The following STXBP4 variants were observed in gnomAD, a reference collection of about 807,000 sequenced individuals.
STXBP4 encodes the protein syntaxin binding protein 4.
STXBP4 carries 55 observed loss-of-function variants against 76.1 expected under a neutral mutation model. The observed-to-expected ratio is 0.72, with a 90% confidence interval of 0.58 to 0.91. The LOEUF (loss-of-function observed/expected upper bound fraction) is 0.91. Ranked by LOEUF, STXBP4 falls within the 40% of genes least tolerant of loss-of-function variation. STXBP4 has a pLI of 0.00. For missense variants in STXBP4, 618 were observed against 636.9 expected (o/e 0.97, Z 0.32); for synonymous variants, 201 against 220.2 (o/e 0.91, Z 0.77).
intron 1 of STXBP4, among the ~76,000 whole-genome samples, chr17:54,976,463 C>G (rs931778714): frequency 1.3e-5 from 2 of 152,188 alleles, no homozygotes; most frequent in African/African-American, 4.8e-5. Flanking sequence ...TCAGGCCTCC[C>G]AGATACTATC....
intron 3 of STXBP4, among the ~76,000 whole-genome samples, chr17:54,989,622 TATTAA>T (rs971701469): frequency 3.3e-5 from 5 of 152,220 alleles, no homozygotes; most frequent in African/African-American, 1.2e-4. Flanking sequence ...ATTTTATAAA[TATTAA>T]ATTAAATGTC....
chr17:54,983,402 C>T (rs769726692), intron 1 of STXBP4, among the ~76,000 whole-genome samples: 1 of 152,118 alleles, frequency 6.6e-6, no homozygotes, highest in Non-Finnish European at 1.5e-5. Context: ...GACCTGGGGA[C>T]CTGTGTCCAG....
intron 13 of STXBP4, among the ~76,000 whole-genome samples, chr17:55,077,300 G>C (rs1006245103): frequency 6.6e-6 from 1 of 152,122 alleles, no homozygotes; most frequent in South Asian, 2.1e-4. Context: ...GTTTGCTTCT[G>C]CTAGCCTGGG....
chr17:54,997,555 A>AATATATATATTATATAATATAAAT (rs1396572400), intron 4 of STXBP4, among the ~76,000 whole-genome samples: 1 of 145,802 alleles, frequency 6.9e-6, no homozygotes, highest in South Asian at 2.1e-4. Flanking sequence ...ATATAATATA[A>AATATATATATTATATAATATAAAT]ATATATATAT....
At position 54,968,794 on chromosome 17, in the gene STXBP4, A is replaced by T; in HGVS notation, c.-178A>T. The T allele has an allele frequency of 3.4e-6, 3 of 875,098 alleles. No individual in the cohort carries two copies. In the South Asian group the frequency reaches 5.2e-5, roughly 15 times the overall value. 54.2% of individuals were successfully genotyped at this position (875,098 alleles called of 1,614,324 possible). ...GGCAGCGCTTGCAGTCGGGCTACGG[A>T]GGCCGGGTTGCCAGATTACGGGTAA... On this transcript the variant is annotated 5_prime_UTR_variant, in exon 1 of 18. Transcript: ENST00000376352.
At chr17:55,210,841 T>G in the STXBP4 span, among the ~76,000 whole-genome samples, 2 of 152,248 alleles carry the variant, frequency 1.3e-5, no homozygotes, top group South Asian at 2.1e-4. Flanking sequence ...CACTGACTAT[T>G]ATTTGAAAAC....
intron 1 of STXBP4, among the ~76,000 whole-genome samples, chr17:54,981,760 A>T (rs1380758419): frequency 6.6e-6 from 1 of 152,166 alleles, no homozygotes; most frequent in Non-Finnish European, 1.5e-5. Flanking sequence ...AAGGGGGGAA[A>T]ATATATTTGC....
At chr17:55,141,218 A>C (rs917833332) in intron 16 of STXBP4, 92 bp from the exon 17 acceptor site, 2 of 1,049,580 alleles carry the variant, frequency 1.9e-6, no homozygotes, top group Admixed American at 4.6e-5. Context: ...AATGTGCTCA[A>C]ATAATTGTAA....
downstream of STXBP4, among the ~76,000 whole-genome samples, chr17:55,176,487 A>G (rs1021792832): frequency 2.0e-5 from 3 of 152,218 alleles, no homozygotes; most frequent in Non-Finnish European, 2.9e-5. Context: ...CAGTAGGAAT[A>G]ACCTGAAATA....
Position 55,163,454 on chromosome 17 carries a change from G to A in STXBP4, c.*3543G>A, listed in dbSNP as rs1203031807. ...AACTTTCAAATGAGCTAACTTGGGTGAGACGTTCACTAAAGTACCAAGCAC... is the reference window on the plus strand; with the variant it reads ...AACTTTCAAATGAGCTAACTTGGGTAAGACGTTCACTAAAGTACCAAGCAC... On this transcript the variant is annotated 3_prime_UTR_variant, in exon 18 of 18. Coordinates refer to ENST00000376352, the MANE Select transcript of STXBP4 (RefSeq NM_178509.6). 6.6e-6 allele frequency: 1 copy of A among 152,126 alleles called. No individual in the cohort carries two copies. The highest frequency in any genetic ancestry group is 2.4e-5 in the African/African-American group (1 of 41,416). 9.4% of individuals were successfully genotyped at this position (152,126 alleles called of 1,614,324 possible).
intron 8 of STXBP4, among the ~76,000 whole-genome samples, chr17:55,018,882 G>T (rs1436493312): frequency 1.3e-5 from 2 of 152,198 alleles, no homozygotes; most frequent in South Asian, 4.1e-4. Flanking sequence ...TGGATCTTCA[G>T]TTGCTTCAGG....
At chr17:55,182,968 T>C in the STXBP4 span, among the ~76,000 whole-genome samples, 2 of 152,076 alleles carry the variant, frequency 1.3e-5, no homozygotes, top group African/African-American at 4.8e-5. Flanking sequence ...AAATGAAGCT[T>C]AAAGATGAAA....
intron 8 of STXBP4, among the ~76,000 whole-genome samples, chr17:55,011,502 C>CTTTCTCTT (rs1323375714): frequency 1.5e-4 from 5 of 34,288 alleles, no homozygotes; most frequent in East Asian, 3.1e-3. Context: ...AGTTTATTTT[C>CTTTCTCTT]TTTTTCTTTT....
chr17:55,211,171 G>A, the STXBP4 span, among the ~76,000 whole-genome samples: 6 of 152,084 alleles, frequency 3.9e-5, no homozygotes, highest in African/African-American at 1.4e-4. Context: ...ACCCGCACCA[G>A]CCTTGAGCAT....
Position 54,989,606 on chromosome 17 carries a change from T to C in STXBP4, c.48-1219T>C, listed in dbSNP as rs181862663. On this transcript the variant is annotated intron_variant, in intron 3 of 17. Transcript: ENST00000376352. ...TTTTAAAAAAATAAGGGTAAGAATC[T>C]TAAGGATTTTATAAATATTAAATTA... is the stretch of plus-strand genomic sequence containing the variant. 4.6e-3 allele frequency among the ~76,000 whole-genome samples: 695 copies of C among 152,318 alleles called. 6 individuals carry two copies. The highest frequency in any genetic ancestry group is 0.016 in the African/African-American group (658 of 41,570).
At chr17:54,998,509 C>A (rs1164815230) in intron 4 of STXBP4, among the ~76,000 whole-genome samples, 1 of 152,184 alleles carries the variant, frequency 6.6e-6, no homozygotes, top group Non-Finnish European at 1.5e-5. Context: ...CTCTGTCTTA[C>A]TCAGTTAGGC....
chr17:55,188,481 G>T, the STXBP4 span, among the ~76,000 whole-genome samples: 2 of 152,180 alleles, frequency 1.3e-5, no homozygotes, highest in Non-Finnish European at 2.9e-5. Context: ...CCCTAGAACA[G>T]TGATACCTGG....
intron 8 of STXBP4, among the ~76,000 whole-genome samples, chr17:55,028,658 C>G (rs779331998): frequency 6.6e-6 from 1 of 152,080 alleles, no homozygotes; most frequent in Non-Finnish European, 1.5e-5. Flanking sequence ...TTCTTAAAAC[C>G]TCATGTATGA....
chr17:55,062,013 T>C (rs1382955233), intron 12 of STXBP4, among the ~76,000 whole-genome samples: 1 of 152,102 alleles, frequency 6.6e-6, no homozygotes, highest in Non-Finnish European at 1.5e-5. Context: ...AGTGGGAGGA[T>C]TGCTTCAGAC....
Sources: gnomAD v4.1 joint callset for allele counts (sites outside exome capture counted in the v4.1 genomes callset) on GRCh38, gnomAD v4.1.1 for gene constraint, MANE v1.5 for transcripts, NCBI Gene and HGNC (gene_info 2026-07-23, HGNC 2026-07-21) for gene names.